Variants in DENND4A observed in about 807,000 individuals in gnomAD.
DENND4A encodes DENN domain containing 4A.
Under a neutral mutation model 199.3 loss-of-function variants are expected in DENND4A, and 70 were observed. The observed-to-expected ratio is 0.35, with a 90% CI of 0.29 to 0.43. The LOEUF is 0.43. DENND4A is among the 20% of genes least tolerant of loss of function. The pLI, the probability that DENND4A is intolerant of heterozygous loss-of-function variation, is 1.00. For missense variants in DENND4A, 1,723 were observed against 2,255.8 expected, an observed-to-expected ratio of 0.76 and a Z score of 4.78; for synonymous variants, 686 against 766.9, an observed-to-expected ratio of 0.89 and a Z score of 1.74.
chr15:65,768,540 A>G (rs2077042756), intron 1 of DENND4A, among the ~76,000 whole-genome samples: 1 of 152,158 alleles, frequency 6.6e-6, no homozygotes, highest in Non-Finnish European at 1.5e-5. Context: ...CTATTTCTGA[A>G]CTTTTACATA....
intron 20 of DENND4A, among the ~76,000 whole-genome samples, chr15:65,699,457 G>A (rs972961198): frequency 4.0e-5 from 6 of 151,422 alleles, no homozygotes; most frequent in African/African-American, 7.3e-5. Context: ...GCTGATATAC[G>A]AACTTATACT....
intron 4 of DENND4A, among the ~76,000 whole-genome samples, chr15:65,747,573 A>G (rs909921238): frequency 2.0e-5 from 3 of 152,146 alleles, no homozygotes; most frequent in African/African-American, 7.2e-5. Context: ...TTTAATCACT[A>G]TGAAATACAG....
intron 1 of DENND4A, chr15:65,771,839 A>C: frequency 6.2e-7 from 1 of 1,612,904 alleles, no homozygotes; most frequent in Admixed American, 1.7e-5. Flanking sequence ...GGATTACTTA[A>C]AACAGCATAA....
intron 3 of DENND4A, among the ~76,000 whole-genome samples, chr15:65,755,370 G>A (rs983895521): frequency 2.0e-5 from 3 of 152,166 alleles, no homozygotes; most frequent in African/African-American, 4.8e-5. Flanking sequence ...TTAAATAAAT[G>A]AGTGGCTGTA....
intron 12 of DENND4A, among the ~76,000 whole-genome samples, chr15:65,720,279 AGTTT>A (rs1179429996): frequency 6.6e-6 from 1 of 152,212 alleles, no homozygotes; most frequent in Non-Finnish European, 1.5e-5. Flanking sequence ...TCAGGAAAAA[AGTTT>A]GTTATTACTT....
At chr15:65,738,925 C>T in intron 5 of DENND4A, 50 bp from the exon 6 acceptor site, 1 of 1,322,556 alleles carries the variant, frequency 7.6e-7, no homozygotes, top group Admixed American at 3.0e-5. Flanking sequence ...AATTTAGGTA[C>T]TTATTATTTC....
In DENND4A at chr15:65,665,380, G is replaced by A. The variant is rs761508769; in HGVS notation, c.5324C>T (p.Pro1775Leu). 31 of 1,613,598 alleles carry A rather than the reference G, an allele frequency of 1.9e-5. No homozygotes were observed. The East Asian group carries it at 4.7e-4, about 24-fold the overall frequency. The change falls in exon 30 of 33, where the codon CCG becomes CTG. Residue 1775 changes from proline to leucine, a missense_variant. Coordinates refer to ENST00000443035, the MANE Select transcript of DENND4A (RefSeq NM_001320835.1). Reference protein sequence around the residue: ...LWDNMKLHQDPGQPLYILWNA... With the variant: ...LWDNMKLHQDLGQPLYILWNA... ...CCAGAGAATGTACAAGGGCTGTCCC[G>A]GATCCTGATGTAACTTCATATTGTC...
chr15:65,785,324 A>G (rs2077538776), intron 1 of DENND4A, among the ~76,000 whole-genome samples: 1 of 150,860 alleles, frequency 6.6e-6, no homozygotes. Context: ...AGTCTCTACA[A>G]GAAAAAAAAA....
In DENND4A at chr15:65,691,071, C is replaced by G. The variant is rs149648215; in HGVS notation, c.3523G>C (p.Asp1175His). 3 of 1,613,066 alleles carry G rather than the reference C, an allele frequency of 1.9e-6. No individual in the cohort carries two copies. Among genetic ancestry groups the G allele is most frequent in the East Asian group, 4.5e-5 (2 of 44,866 alleles). ...FDLEDLDSET[D>H]VSKAGCVATQ... ...GCAACACATCCTGCTTTTGATACAT[C>G]TGTTTCACTGTCTAAGTCTTCTAAG... Residue 1175 changes from aspartate (D) to histidine (H), a missense_variant, in exon 23 of 33, where the codon GAT (aspartate) becomes CAT (histidine). Asp to His is a moderately conservative substitution (Grantham distance 81). Transcript: ENST00000443035.
At chr15:65,666,289 T>TGTGCC (rs2076035798) in intron 29 of DENND4A, among the ~76,000 whole-genome samples, 1 of 152,212 alleles carries the variant, frequency 6.6e-6, no homozygotes, top group Admixed American at 6.5e-5. Context: ...ATCACTGCTT[T>TGTGCC]GTGCCATTAA....
rs571737248 is a variant in DENND4A at position 65,680,854 on chromosome 15, T to TA, written c.4180-4221dup. 2.0e-4 allele frequency: 30 copies of TA among 152,344 alleles called. No homozygotes were observed. The East Asian group carries it at 5.2e-3, about 26-fold the overall frequency. The allele number at this position is 152,344 out of a possible 1,614,324, so 9.4% of individuals were successfully genotyped here. Reference sequence around the variant, plus strand: ...ATGTCTAAAAAATGCACATAAATTTTAAAATACCTTATTACTAAAAATTGC... The same window carrying TA: ...ATGTCTAAAAAATGCACATAAATTTTAAAAATACCTTATTACTAAAAATTGC... On this transcript the variant is annotated intron_variant, in intron 23 of 32. Transcript: ENST00000443035.
In DENND4A at chr15:65,691,448, T is replaced by G. The variant is rs1225487786; in HGVS notation, c.3146A>C (p.Gln1049Pro). ...LEDTNETRNI[Q>P]SRCFRKRHKS... Reference sequence around the variant, plus strand: ...ATGTCTTTTCCTGAAGCATCTACTTTGAATGTTTCGTGTTTCATTTGTATC... The same window carrying G: ...ATGTCTTTTCCTGAAGCATCTACTTGGAATGTTTCGTGTTTCATTTGTATC... Residue 1049 changes from glutamine to proline, a missense_variant, in exon 23 of 33, where the codon CAA becomes CCA. Gln to Pro is a moderately conservative substitution (Grantham distance 76). Coordinates refer to ENST00000443035, the MANE Select transcript of DENND4A (RefSeq NM_001320835.1). 1 of 1,613,120 alleles carries G rather than the reference T, an allele frequency of 6.2e-7. No homozygotes were observed.
chr15:65,724,780 C>A (rs182708106), intron 11 of DENND4A, among the ~76,000 whole-genome samples: 1 of 152,168 alleles, frequency 6.6e-6, no homozygotes, highest in African/African-American at 2.4e-5. Context: ...ATAGTAAGAA[C>A]GCAACATAGA....
At position 65,696,335 on chromosome 15, in the gene DENND4A, G is replaced by A. The variant is rs148153244; in HGVS notation, c.3082+31C>T. On this transcript the variant is annotated intron_variant, in intron 22 of 32. Transcript: ENST00000443035. ...TAGTCATACAGATACAATTTATTCC[G>A]CACATAACACAAGCGTACTATTCAA... 1.5e-4 allele frequency: 236 copies of A among 1,595,078 alleles called. 1 individual carries two copies. In the East Asian group the frequency reaches 4.4e-3, roughly 30 times the overall value.
At chr15:65,668,305 C>A (rs530662692) in intron 27 of DENND4A, among the ~76,000 whole-genome samples, 182 bp from the exon 28 acceptor site, 2 of 151,642 alleles carry the variant, frequency 1.3e-5, no homozygotes, top group East Asian at 3.9e-4. Flanking sequence ...GTCACCTAGG[C>A]TCAAGCGATC....
intron 4 of DENND4A, among the ~76,000 whole-genome samples, chr15:65,742,943 A>T (rs1429538348): frequency 6.6e-6 from 1 of 152,234 alleles, no homozygotes; most frequent in South Asian, 2.1e-4. Context: ...AGGGTAAAAT[A>T]GTTTTATGAA....
At chr15:65,736,534 G>A (rs555907624) in intron 7 of DENND4A, among the ~76,000 whole-genome samples, 10 of 151,822 alleles carry the variant, frequency 6.6e-5, no homozygotes, top group East Asian at 5.8e-4. Context: ...CCAAAGTGTC[G>A]GGATTACAGG....
intron 25 of DENND4A, among the ~76,000 whole-genome samples, chr15:65,670,433 A>T (rs759821193): frequency 2.6e-5 from 4 of 152,214 alleles, no homozygotes; most frequent in African/African-American, 4.8e-5. Flanking sequence ...AAATCAGAGT[A>T]AAATGTGCTG....
intron 14 of DENND4A, among the ~76,000 whole-genome samples, chr15:65,706,719 C>T (rs2075073348): frequency 1.3e-5 from 2 of 152,158 alleles, no homozygotes; most frequent in African/African-American, 4.8e-5. Context: ...CGGTCTCGAT[C>T]TCTTGACCTT....
Sources: gnomAD v4.1 joint callset for allele counts (sites outside exome capture counted in the v4.1 genomes callset) on GRCh38, gnomAD v4.1.1 for gene constraint, MANE v1.5 for transcripts, NCBI Gene and HGNC (gene_info 2026-07-23, HGNC 2026-07-21) for gene names.